Variants in TRPV1 observed in about 807,000 individuals in gnomAD.
The protein encoded by TRPV1 is OTRPC1.
In TRPV1, 82 loss-of-function variants were observed where a neutral mutation model predicts 82.3. The ratio of observed to expected loss-of-function variants is 1.00; its 90% CI spans 0.83 to 1.20. The LOEUF (loss-of-function observed/expected upper bound fraction) is 1.20, where lower values mean the gene tolerates loss of function less well. TRPV1 is among the 50% of genes most tolerant of loss of function. The pLI, the probability that TRPV1 is intolerant of heterozygous loss-of-function variation, is 0.00. For missense variants in TRPV1, 1,067 were observed against 1,096.8 expected, an observed-to-expected ratio of 0.97 and a Z score of 0.38; for synonymous variants, 515 against 467.7, an observed-to-expected ratio of 1.10 and a Z score of -1.30.
intron 16 of TRPV1, among the ~76,000 whole-genome samples, chr17:3,569,207 G>A (rs1394702412): frequency 6.6e-6 from 1 of 152,080 alleles, no homozygotes; most frequent in Non-Finnish European, 1.5e-5. Context: ...CATGGCACAT[G>A]TATACATATG....
Position 3,591,254 on chromosome 17 carries a change from C to T in TRPV1, c.384G>A (p.Gln128=), listed in dbSNP as rs200946186. The T allele has an allele frequency of 7.4e-6, 12 of 1,613,314 alleles. No individual in the cohort carries two copies. Among genetic ancestry groups the T allele is most frequent in the Admixed American group, 1.7e-5 (1 of 59,984 alleles). The change falls in exon 4 of 17, where the codon CAG becomes CAA. Residue 128 remains glutamine (Q), a synonymous_variant. Coordinates refer to ENST00000572705, the MANE Select transcript of TRPV1 (RefSeq NM_080704.4). ...IFEAVAQNNC[Q]DLESLLLFLQ... is the part of the protein sequence containing the mutation. ...GGAAGAGCAGCAGGCTCTCCAGATC[C>T]TGGCAGTTATTCTGAGCAACGGCTT...
chr17:3,596,617 G>A (rs1167884028), intron 2 of TRPV1, among the ~76,000 whole-genome samples: 2 of 152,164 alleles, frequency 1.3e-5, no homozygotes, highest in Admixed American at 6.5e-5. Flanking sequence ...CCCCGAGGAC[G>A]GCTGATGCAG....
intron 9 of TRPV1, 73 bp from the exon 10 acceptor site, chr17:3,583,503 A>C: frequency 8.1e-7 from 1 of 1,236,056 alleles, no homozygotes; most frequent in Non-Finnish European, 1.2e-6. Context: ...CAGGTCCATG[A>C]AGCCATAGTC....
intron 9 of TRPV1, chr17:3,585,335 G>A (rs421140): frequency 6.0e-6 from 1 of 165,484 alleles, no homozygotes; most frequent in Non-Finnish European, 1.3e-5. Context: ...GTTTTTAGTA[G>A]AGACGGGGTT....
chr17:3,571,603 G>C lies in TRPV1; in HGVS notation c.2268C>G (p.Asn756Lys). The C allele has an allele frequency of 6.2e-7, 1 of 1,612,640 alleles. No individual in the cohort carries two copies. Among genetic ancestry groups the C allele is most frequent in the South Asian group, 1.1e-5 (1 of 90,572 alleles). ...CCGGGTCTTCGTTGATGATGCCCAC[G>C]TTGGTGTTCCAGGTGGTCCAGTTCA... Reference protein sequence around the residue: ...DEVNWTTWNTNVGIINEDPGN... With the variant: ...DEVNWTTWNTKVGIINEDPGN... Residue 756 changes from asparagine to lysine, a missense_variant, in exon 16 of 17, where the codon AAC (asparagine) becomes AAG (lysine). Physicochemically the swap from Asn to Lys is moderately conservative, Grantham distance 94. Coordinates refer to ENST00000572705, the MANE Select transcript of TRPV1 (RefSeq NM_080704.4).
At chr17:3,586,852 C>T in intron 8 of TRPV1, among the ~76,000 whole-genome samples, 1 of 152,078 alleles carries the variant, frequency 6.6e-6, no homozygotes, top group East Asian at 1.9e-4. Context: ...TCCCAGCCTC[C>T]CTCAGGCCAT....
At position 3,590,985 on chromosome 17, in the gene TRPV1, A is replaced by G. The variant is rs978110873; in HGVS notation, c.583T>C (p.Tyr195His). ...TCACCCTTGTAGTAGCTGTCCGTGT[A>G]GCTGGCGTTGACAAGCTCCTTCAGG... ...DSLKELVNAS[Y>H]TDSYYKGQTA... Residue 195 changes from tyrosine (Y) to histidine (H), a missense_variant, in exon 5 of 17, where the codon TAC becomes CAC. Transcript: ENST00000572705. 3 of 1,608,428 alleles carry G rather than the reference A, an allele frequency of 1.9e-6. No individual in the cohort carries two copies. The highest frequency in any genetic ancestry group is 1.1e-5 in the South Asian group (1 of 89,740).
Position 3,566,750 on chromosome 17 carries a change from G to A in TRPV1, c.*65C>T, listed in dbSNP as rs534844979. ...CTGACAGAGCACTGGTGTTCCCTCAGCAGCCCCCCGTGGCAACGGGGTCTC... is the reference window on the plus strand; with the variant it reads ...CTGACAGAGCACTGGTGTTCCCTCAACAGCCCCCCGTGGCAACGGGGTCTC... On this transcript the variant is annotated 3_prime_UTR_variant, in exon 17 of 17. Transcript: ENST00000572705. 1 of 1,566,298 alleles carries A rather than the reference G, an allele frequency of 6.4e-7. No individual in the cohort carries two copies. Among genetic ancestry groups the A allele is most frequent in the East Asian group, 2.3e-5 (1 of 44,420 alleles).
rs201666201 is a variant in TRPV1 at position 3,577,732 on chromosome 17, C to T, written c.1579G>A (p.Val527Met). Residue 527 changes from valine to methionine, a missense_variant, in exon 12 of 17, where the codon GTG becomes ATG. By Grantham distance (21) the Val-to-Met change is conservative (BLOSUM62 1). Transcript: ENST00000572705. ...TTGAGGTGGCTGAAGTACAGCACCA[C>T]GGTGGCCAGCATGAACAGTGACTGC... ...FLQSLFMLATVVLYFSHLKEY... is the reference protein window; with the variant it reads ...FLQSLFMLATMVLYFSHLKEY... 1.4e-5 allele frequency: 23 copies of T among 1,593,070 alleles called. No individual in the cohort carries two copies. Among genetic ancestry groups the T allele is most frequent in the Admixed American group, 5.3e-5 (3 of 56,468 alleles).
intron 10 of TRPV1, 121 bp from the exon 11 acceptor site, chr17:3,580,648 G>A (rs2074995896): frequency 4.8e-6 from 5 of 1,046,916 alleles, no homozygotes; most frequent in Non-Finnish European, 1.5e-6. Context: ...AGCACAGATT[G>A]TGAAAAGAGC....
At chr17:3,602,878 T>C (rs2075273652) in intron 2 of TRPV1, among the ~76,000 whole-genome samples, 1 of 152,138 alleles carries the variant, frequency 6.6e-6, no homozygotes, top group South Asian at 2.1e-4. Context: ...TCCCAGCACT[T>C]TGGGAGGCCG....
At chr17:3,608,618 C>T (rs1017678691) in intron 1 of TRPV1, 53 bp from the exon 2 acceptor site, 2 of 152,206 alleles carry the variant, frequency 1.3e-5, no homozygotes, top group Admixed American at 1.3e-4. Context: ...AAGAATTTTC[C>T]ATTTAATATT....
chr17:3,598,563 CT>C (rs57290148), intron 2 of TRPV1, among the ~76,000 whole-genome samples: 3,789 of 116,748 alleles, frequency 0.032, 160 homozygotes, highest in African/African-American at 0.1. Flanking sequence ...CGCTTAGTCA[CT>C]TTTTTTTTTT....
rs200129659 is a variant in TRPV1, at chr17:3,577,795, C to T, written c.1548-32G>A. On this transcript the variant is annotated intron_variant, in intron 11 of 16. Coordinates refer to ENST00000572705, the MANE Select transcript of TRPV1 (RefSeq NM_080704.4). The stretch of plus-strand genomic sequence containing the variant: ...GTGGAGGGGCAGAAAGCTCCGTCTA[C>T]GGGAACCCAGGAGGCCTGGCACCCC... 524 of 1,568,612 alleles carry T rather than the reference C, an allele frequency of 3.3e-4. 2 individuals are homozygous for T. The highest frequency in any genetic ancestry group is 2.7e-3 in the African/African-American group (201 of 73,804).
chr17:3,591,390 C>T, intron 3 of TRPV1, 37 bp from the exon 4 acceptor site: 1 of 1,533,404 alleles, frequency 6.5e-7, no homozygotes, highest in Non-Finnish European at 8.7e-7. Flanking sequence ...CATACCCTGG[C>T]CTCCCCTCGG....
At chr17:3,589,713 G>A in intron 7 of TRPV1, 94 bp downstream of exon 7, 1 of 1,424,670 alleles carries the variant, frequency 7.0e-7, no homozygotes, top group South Asian at 1.4e-5. Flanking sequence ...CGCACACACA[G>A]ATAGCGACGC....
rs1432589083 is a variant in TRPV1, at chr17:3,565,569, T to C, written c.*1246A>G. 1 of 152,236 alleles carries C rather than the reference T, an allele frequency of 6.6e-6. No individual in the cohort carries two copies. The highest frequency in any genetic ancestry group is 1.5e-5 in the Non-Finnish European group (1 of 68,040). The allele number at this position is 152,236 out of a possible 1,614,324, so 9.4% of individuals were successfully genotyped here. On this transcript the variant is annotated 3_prime_UTR_variant, in exon 17 of 17. Coordinates refer to ENST00000572705, the MANE Select transcript of TRPV1 (RefSeq NM_080704.4). ...AGATCTTTCAAACATTCTTACCAGG[T>C]ACCTTTGGGATGTGGTTCTGTAGTT...
chr17:3,569,077 C>T (rs2074812843), intron 16 of TRPV1, among the ~76,000 whole-genome samples: 1 of 150,688 alleles, frequency 6.6e-6, no homozygotes, highest in African/African-American at 2.5e-5. Context: ...TGAGAACACT[C>T]AGACACAGGA....
Position 3,565,738 on chromosome 17 carries a change from C to T in TRPV1, c.*1077G>A, listed in dbSNP as rs2150818299. On this transcript the variant is annotated 3_prime_UTR_variant, in exon 17 of 17. Coordinates refer to ENST00000572705, the MANE Select transcript of TRPV1 (RefSeq NM_080704.4). ...CCCATCTTCTCCAGGGAGGAAACAC[C>T]AACACCCCCAAACCACCCGGGCAGG... 6.6e-6 allele frequency: 1 copy of T among 152,336 alleles called. No individual in the cohort carries two copies. The highest frequency in any genetic ancestry group is 2.4e-5 in the African/African-American group (1 of 41,534). 9.4% of individuals were successfully genotyped at this position (152,336 alleles called of 1,614,324 possible). A position where few individuals can be genotyped will look rare whatever the true frequency, so the allele number is the denominator to read the frequency against.
Sources: gnomAD v4.1 joint callset for allele counts (sites outside exome capture counted in the v4.1 genomes callset) on GRCh38, gnomAD v4.1.1 for gene constraint, MANE v1.5 for transcripts, NCBI Gene and HGNC (gene_info 2026-07-23, HGNC 2026-07-21) for gene names.